GLI1: variants seen among roughly 807,000 people sequenced by gnomAD.
GLI1 encodes GLI family zinc finger 1, also known as transcription activator GLI1.
In GLI1, 51 loss-of-function variants were observed where a neutral mutation model predicts 87.8. The observed-to-expected ratio is 0.58, with a 90% confidence interval of 0.46 to 0.73. The LOEUF is 0.73. GLI1 is among the 30% of genes least tolerant of loss of function. The probability of loss-of-function intolerance (pLI) is 0.00; values close to 1 mark genes in which losing one functional copy is unlikely to be tolerated. For synonymous variants in GLI1, 528 were observed against 558.2 expected (o/e 0.95, Z 0.76); for missense variants, 1,292 against 1,437.2 (o/e 0.90, Z 1.63).
At chr12:57,463,523 C>A (rs1594742075) in intron 1 of GLI1, 142 bp from the exon 2 acceptor site, 1 of 649,260 alleles carries the variant, frequency 1.5e-6, no homozygotes, top group East Asian at 2.7e-5. Flanking sequence ...CTCAGTGATG[C>A]TCTTTTCAAC....
chr12:57,463,700 C>T lies in GLI1; in HGVS notation c.9C>T (p.Asn3=). The T allele has an allele frequency of 6.2e-7, 1 of 1,609,906 alleles. No individual in the cohort carries two copies. Among genetic ancestry groups the T allele is most frequent in the Non-Finnish European group, 8.5e-7 (1 of 1,177,130 alleles). ...CCCTCCTCTGAGACGCCATGTTCAA[C>T]TCGATGACCCCACCACCAATCAGTA... MF[N]SMTPPPISSY... is the part of the protein sequence containing the mutation. Residue 3 remains asparagine, a synonymous_variant, in exon 2 of 12, where the codon AAC becomes AAT. Coordinates refer to ENST00000228682, the MANE Select transcript of GLI1 (RefSeq NM_005269.3).
chr12:57,460,106 T>A lies in GLI1; in HGVS notation c.-123T>A, dbSNP rs1026234156. On this transcript the variant is annotated 5_prime_UTR_variant, in exon 1 of 12. Coordinates refer to ENST00000228682, the MANE Select transcript of GLI1 (RefSeq NM_005269.3). ...GGTGGGGGTGGCATCGAGGCTGCGCTGCCGTGGCCCTCTCCGCCCCCCCTC... is the reference window on the plus strand; with the variant it reads ...GGTGGGGGTGGCATCGAGGCTGCGCAGCCGTGGCCCTCTCCGCCCCCCCTC... 7.2e-5 allele frequency: 11 copies of A among 151,790 alleles called. No homozygotes were observed. The highest frequency in any genetic ancestry group is 2.4e-4 in the African/African-American group (10 of 41,346). The allele number at this position is 151,790 out of a possible 1,614,324, so 9.4% of individuals were successfully genotyped here. A position where few individuals can be genotyped will look rare whatever the true frequency, so the allele number is the denominator to read the frequency against.
At chr12:57,462,143 C>T (rs1275843161) in intron 1 of GLI1, among the ~76,000 whole-genome samples, 1 of 152,106 alleles carries the variant, frequency 6.6e-6, no homozygotes, top group Non-Finnish European at 1.5e-5. Flanking sequence ...AAACTTCCCT[C>T]CTTCCCCTGG....
Position 57,463,947 on chromosome 12 carries a change from A to G in GLI1, c.101-52A>G. ...GGATCAGGTCATGTCTGGGGTTTTA[A>G]GGTGAGGTTTATGTATCCTCCATTC... On this transcript the variant is annotated intron_variant, in intron 2 of 11. Coordinates refer to ENST00000228682, the MANE Select transcript of GLI1 (RefSeq NM_005269.3). The G allele has an allele frequency of 2.2e-6, 3 of 1,372,610 alleles. No individual in the cohort carries two copies. The Admixed American group carries it at 5.0e-5, about 23-fold the overall frequency. The allele number at this position is 1,372,610 out of a possible 1,614,324, so 85.0% of individuals were successfully genotyped here.
chr12:57,471,281 CTT>C lies in GLI1; in HGVS notation c.2544_2545del (p.Ser849ProfsTer22). 1.3e-6 allele frequency: 2 copies of C among 1,592,904 alleles called. No homozygotes were observed. Among genetic ancestry groups the C allele is most frequent in the Non-Finnish European group, 1.7e-6 (2 of 1,169,686 alleles). On this transcript the variant is annotated frameshift_variant, in exon 12 of 12. Transcript: ENST00000228682. LOFTEE classifies it high-confidence loss of function. This position sits in a 1 kb window ranked among gnomAD's most constrained non-coding sequence, Gnocchi z 4.9. Reference protein sequence around the residue: ...SEGPPHPQPLFSHYPQPSPPQ... With the variant: ...SEGPPHPQPLXSHYPQPSPPQ... The stretch of plus-strand genomic sequence containing the variant: ...AGGGGCCCCCACATCCACAGCCTCT[CTT>C]TTCCCATTACCCCCAGCCCTCTCCT...
intron 10 of GLI1, 99 bp from the exon 11 acceptor site, chr12:57,469,332 T>G: frequency 1.6e-6 from 2 of 1,238,248 alleles, no homozygotes; most frequent in Non-Finnish European, 1.1e-6. Flanking sequence ...CAAGCTTCCT[T>G]GGAACCCCAG....
chr12:57,468,268 C>A (rs1210915249), intron 10 of GLI1, 44 bp downstream of exon 10: 1 of 1,290,416 alleles, frequency 7.7e-7, no homozygotes, highest in African/African-American at 1.5e-5. Flanking sequence ...CCCAGCCCAC[C>A]CTGTGGACAT....
intron 8 of GLI1, 69 bp downstream of exon 8, chr12:57,466,458 A>G: frequency 8.1e-7 from 1 of 1,241,430 alleles, no homozygotes; most frequent in Non-Finnish European, 1.1e-6. Context: ...GTAGGGCCCA[A>G]GGCAGACTTT....
chr12:57,466,435 G>C, intron 8 of GLI1, 46 bp downstream of exon 8: 1 of 1,525,952 alleles, frequency 6.6e-7, no homozygotes, highest in South Asian at 1.2e-5. Flanking sequence ...CTAAATCAGG[G>C]CTCTCCTTCA....
chr12:57,465,447 C>T (rs1475203972), intron 5 of GLI1, 160 bp from the exon 6 acceptor site: 2 of 741,076 alleles, frequency 2.7e-6, no homozygotes, highest in Non-Finnish European at 4.4e-6. Flanking sequence ...ACCTTTTGCC[C>T]ATCCCATTCA....
At position 57,464,678 on chromosome 12, in the gene GLI1, C is replaced by T. The variant is rs770016487; in HGVS notation, c.199C>T (p.Leu67Phe). ...TCCGCTGTCTCCTGCCCCAGGCCCA[C>T]TCTTTTCTTCTCCCCGGAGTGCAGT... is the stretch of plus-strand genomic sequence containing the variant. Reference protein sequence around the residue: ...RETNSCTEGPLFSSPRSAVKL... With the variant: ...RETNSCTEGPFFSSPRSAVKL... Residue 67 changes from leucine (L) to phenylalanine (F), a missense_variant, in exon 4 of 12, where the codon CTC becomes TTC. Leu to Phe is a conservative substitution (Grantham distance 22). Around this residue, in one of 3 missense-constraint regions of GLI1, gnomAD observed 383 missense variants for 368.4 expected, o/e 1.04. Transcript: ENST00000228682. 6.8e-6 allele frequency: 11 copies of T among 1,613,544 alleles called. No homozygotes were observed. Among genetic ancestry groups the T allele is most frequent in the South Asian group, 1.1e-5 (1 of 91,074 alleles).
chr12:57,468,294 C>G, intron 10 of GLI1, 70 bp downstream of exon 10: 2 of 945,938 alleles, frequency 2.1e-6, no homozygotes, highest in African/African-American at 3.2e-5. Context: ...TAGTTACTTC[C>G]CAACCCATCC....
In GLI1 at chr12:57,471,913, G is replaced by A; in HGVS notation, c.3173G>A (p.Gly1058Glu). 1 of 1,611,992 alleles carries A rather than the reference G, an allele frequency of 6.2e-7. No homozygotes were observed. ...GTGGCTATTCTGGATGAGCCCCAGG[G>A]GCTGAGTCCTCCTCCTTCCCATGAT... ...DFVAILDEPQ[G>E]LSPPPSHDQR... is the part of the protein sequence containing the mutation. Residue 1058 changes from glycine (G) to glutamate (E), a missense_variant, in exon 12 of 12, where the codon GGG becomes GAG. Transcript: ENST00000228682. The surrounding 1 kb of genome is among the most constrained non-coding windows in gnomAD (Gnocchi z 4.9).
At position 57,470,309 on chromosome 12, in the gene GLI1, ACTTG is replaced by A; in HGVS notation, c.1577-6_1577-3del. 1 of 1,534,616 alleles carries A rather than the reference ACTTG, an allele frequency of 6.5e-7. No individual in the cohort carries two copies. Among genetic ancestry groups the A allele is most frequent in the Non-Finnish European group, 8.8e-7 (1 of 1,140,314 alleles). ...GACCATCCTACCTTTTCTCCCCATC[ACTTG>A]CAGGTACCACTGTGTCCCGCCGCGT... On this transcript the variant is annotated splice_polypyrimidine_tract_variant and splice_region_variant and intron_variant, in intron 11 of 11. Coordinates refer to ENST00000228682, the MANE Select transcript of GLI1 (RefSeq NM_005269.3).
intron 4 of GLI1, 89 bp downstream of exon 4, chr12:57,464,957 G>T: frequency 7.9e-7 from 1 of 1,258,550 alleles, no homozygotes; most frequent in South Asian, 1.2e-5. Context: ...AACCCTATTT[G>T]AATCCTTGTC....
rs1871954540 is a variant in GLI1, at chr12:57,471,593, C to G, written c.2853C>G (p.Gly951=). Residue 951 remains glycine (G), a synonymous_variant, in exon 12 of 12, where the codon GGC becomes GGG. Transcript: ENST00000228682. This position sits in a 1 kb window ranked among gnomAD's most constrained non-coding sequence, Gnocchi z 4.9. ...AKAPVNTYGP[G]FGPNLPNHKS... ...CTCCAGTGAACACATATGGACCTGG[C>G]TTTGGACCCAACTTGCCCAATCACA... 1.9e-6 allele frequency: 3 copies of G among 1,613,864 alleles called. No homozygotes were observed. Among genetic ancestry groups the G allele is most frequent in the Non-Finnish European group, 1.7e-6 (2 of 1,179,870 alleles).
chr12:57,470,982 C>T lies in GLI1; in HGVS notation c.2242C>T (p.Pro748Ser). ...AGCTGAGCCTTATGGAGCGAGGGGTCCAGGCTCTCTGCCTCTTGGGCCTGG... is the reference window on the plus strand; with the variant it reads ...AGCTGAGCCTTATGGAGCGAGGGGTTCAGGCTCTCTGCCTCTTGGGCCTGG... ...AAAEPYGARG[P>S]GSLPLGPGPP... Residue 748 changes from proline to serine, a missense_variant, in exon 12 of 12, where the codon CCA becomes TCA. This residue lies in a region of GLI1 where 897 missense variants were observed against 1,040.7 expected (regional missense o/e 0.86). Transcript: ENST00000228682. The T allele has an allele frequency of 6.2e-7, 1 of 1,613,014 alleles. No individual in the cohort carries two copies. Among genetic ancestry groups the T allele is most frequent in the Non-Finnish European group, 8.5e-7 (1 of 1,179,458 alleles).
At position 57,471,779 on chromosome 12, in the gene GLI1, T is replaced by C; in HGVS notation, c.3039T>C (p.His1013=). Residue 1013 remains histidine (H), a synonymous_variant, in exon 12 of 12, where the codon CAT becomes CAC. Transcript: ENST00000228682. This position sits in a 1 kb window ranked among gnomAD's most constrained non-coding sequence, Gnocchi z 4.9. The part of the protein sequence containing the change: ...KVGGTNPSCG[H]PEVGRLGGGP... Reference sequence around the variant, plus strand: ...GAGGCACAAACCCCAGCTGTGGTCATCCTGAGGTGGGCAGGCTAGGAGGGG... The same window carrying C: ...GAGGCACAAACCCCAGCTGTGGTCACCCTGAGGTGGGCAGGCTAGGAGGGG... The C allele has an allele frequency of 6.4e-7, 1 of 1,564,572 alleles. No homozygotes were observed. The highest frequency in any genetic ancestry group is 1.4e-5 in the African/African-American group (1 of 73,708).
At chr12:57,467,557 C>A in intron 9 of GLI1, 60 bp downstream of exon 9, 1 of 1,398,322 alleles carries the variant, frequency 7.2e-7, no homozygotes, top group South Asian at 1.3e-5. Flanking sequence ...GGGAGATTCC[C>A]CCATAAGAAA....
Sources: gnomAD v4.1 joint callset for allele counts (sites outside exome capture counted in the v4.1 genomes callset) on GRCh38, gnomAD v4.1.1 for gene constraint, gnomAD v4.1.1 regional missense constraint, Gnocchi (gnomAD v3.1) non-coding constraint, MANE v1.5 for transcripts, NCBI Gene and HGNC (gene_info 2026-07-23, HGNC 2026-07-21) for gene names.